The following NBAS variants were observed in gnomAD, a reference collection of about 807,000 sequenced individuals.
NBAS encodes the protein NBAS subunit of NRZ tethering complex.
A neutral mutation model predicts 302.5 loss-of-function variants in NBAS; 219 were observed. That is an observed-to-expected ratio of 0.72 (90% CI 0.65 to 0.81). NBAS has a LOEUF of 0.81. Ranked by LOEUF, NBAS falls within the 30% of genes least tolerant of loss-of-function variation. NBAS has a pLI of 0.00. For synonymous variants in NBAS, 1,118 were observed against 1,021.6 expected, an observed-to-expected ratio of 1.09 and a Z score of -1.80; for missense variants, 2,932 against 2,841.6, an observed-to-expected ratio of 1.03 and a Z score of -0.72.
intron 33 of NBAS, among the ~76,000 whole-genome samples, chr2:15,355,889 T>C (rs1288543786): frequency 6.6e-6 from 1 of 152,162 alleles, no homozygotes; most frequent in East Asian, 1.9e-4. Flanking sequence ...GGTATTTCTT[T>C]ATAGCAGTGT....
intron 38 of NBAS, among the ~76,000 whole-genome samples, chr2:15,313,346 C>T (rs1196773635): frequency 6.6e-6 from 1 of 152,148 alleles, no homozygotes; most frequent in African/African-American, 2.4e-5. Context: ...TTTTATATCA[C>T]TTAGCTCTAT....
chr2:15,430,975 A>C, intron 21 of NBAS, among the ~76,000 whole-genome samples: 1 of 144,440 alleles, frequency 6.9e-6, no homozygotes, highest in Non-Finnish European at 1.5e-5. Context: ...GGCCCGGCTA[A>C]TTTTTTTTTT....
chr2:15,093,572 T>C, the NBAS span, among the ~76,000 whole-genome samples: 3 of 152,334 alleles, frequency 2.0e-5, no homozygotes, highest in East Asian at 5.8e-4. Context: ...ACCCAGTAAT[T>C]CTATTTCCAG....
chr2:15,281,336 G>A (rs779824020), intron 42 of NBAS, among the ~76,000 whole-genome samples: 15 of 152,174 alleles, frequency 9.9e-5, no homozygotes, highest in Non-Finnish European at 2.1e-4. Context: ...CATAGAAATA[G>A]TAATAGACAC....
intron 25 of NBAS, among the ~76,000 whole-genome samples, chr2:15,411,629 G>C (rs973394697): frequency 1.3e-4 from 20 of 152,098 alleles, no homozygotes; most frequent in African/African-American, 4.6e-4. Context: ...GTAATCAGAA[G>C]TGAAGAAAAA....
the NBAS span, among the ~76,000 whole-genome samples, chr2:14,799,415 A>G: frequency 3.9e-5 from 6 of 152,140 alleles, no homozygotes; most frequent in Non-Finnish European, 8.8e-5. Flanking sequence ...TAATAGCCAG[A>G]GGACAAAATT....
chr2:15,351,870 GCACACACACACACA>G (rs10605991), intron 35 of NBAS, 108 bp downstream of exon 35: 422 of 696,664 alleles, frequency 6.1e-4, no homozygotes, highest in Non-Finnish European at 7.4e-4. Flanking sequence ...TGGTCTGCAT[GCACACACACACACA>G]CACACACACA....
chr2:14,862,592 G>A, the NBAS span, among the ~76,000 whole-genome samples: 1 of 152,112 alleles, frequency 6.6e-6, no homozygotes, highest in Non-Finnish European at 1.5e-5. Flanking sequence ...TTCTTCATCT[G>A]TAAAATTAAA....
intron 42 of NBAS, among the ~76,000 whole-genome samples, chr2:15,284,708 T>TA (rs1669965404): frequency 6.6e-6 from 1 of 152,262 alleles, no homozygotes; most frequent in African/African-American, 2.4e-5. Flanking sequence ...TCTATTGTAT[T>TA]AACAAGGCTG....
chr2:15,291,912 T>C (rs1325138608), intron 41 of NBAS, among the ~76,000 whole-genome samples: 3 of 152,158 alleles, frequency 2.0e-5, no homozygotes, highest in African/African-American at 7.2e-5. Context: ...AACTGGGCTA[T>C]CAAAACTACA....
chr2:14,858,220 A>G, the NBAS span, among the ~76,000 whole-genome samples: 2 of 152,156 alleles, frequency 1.3e-5, no homozygotes, highest in Non-Finnish European at 2.9e-5. Flanking sequence ...TGGGAATGTG[A>G]ATTAGTACAA....
At chr2:15,462,943 T>C (rs1679569273) in intron 19 of NBAS, among the ~76,000 whole-genome samples, 2 of 152,126 alleles carry the variant, frequency 1.3e-5, no homozygotes, top group South Asian at 4.1e-4. Flanking sequence ...AAGAATTTAA[T>C]GCATACTCAT....
intron 38 of NBAS, among the ~76,000 whole-genome samples, chr2:15,313,257 A>T (rs1329745549): frequency 6.6e-6 from 1 of 152,256 alleles, no homozygotes; most frequent in East Asian, 1.9e-4. Context: ...GTATAACAAA[A>T]ATAATAAAAT....
the NBAS span, among the ~76,000 whole-genome samples, chr2:14,797,087 T>TCC: frequency 1.0e-5 from 1 of 97,000 alleles, no homozygotes; most frequent in Non-Finnish European, 1.9e-5. Flanking sequence ...AGAGCGAGAC[T>TCC]CCGTCTCAAA....
the NBAS span, among the ~76,000 whole-genome samples, chr2:15,039,258 C>T: frequency 6.6e-6 from 1 of 152,152 alleles, no homozygotes; most frequent in Non-Finnish European, 1.5e-5. Flanking sequence ...ATTGGCGTTG[C>T]TGCGGTTGCA....
the NBAS span, among the ~76,000 whole-genome samples, chr2:14,954,032 G>C: frequency 6.6e-6 from 1 of 152,130 alleles, no homozygotes; most frequent in Admixed American, 6.5e-5. Context: ...GCCCTACCCT[G>C]CTTCATTCTT....
At chr2:15,124,693 G>A in the NBAS span, among the ~76,000 whole-genome samples, 1 of 152,254 alleles carries the variant, frequency 6.6e-6, no homozygotes, top group Non-Finnish European at 1.5e-5. Flanking sequence ...TCCAGCTCCA[G>A]CTGCAGCTCA....
At chr2:14,987,976 C>T in the NBAS span, among the ~76,000 whole-genome samples, 4 of 152,148 alleles carry the variant, frequency 2.6e-5, no homozygotes, top group Non-Finnish European at 5.9e-5. Context: ...AGCTTTCTCT[C>T]CCATTTTCTG....
intron 25 of NBAS, among the ~76,000 whole-genome samples, chr2:15,405,715 T>C (rs1572796698): frequency 6.6e-6 from 1 of 152,158 alleles, no homozygotes; most frequent in East Asian, 1.9e-4. Flanking sequence ...TCCCAAAGAA[T>C]CAAGCAATCA....
Sources: gnomAD v4.1 joint callset for allele counts (sites outside exome capture counted in the v4.1 genomes callset) on GRCh38, gnomAD v4.1.1 for gene constraint, MANE v1.5 for transcripts, NCBI Gene and HGNC (gene_info 2026-07-23, HGNC 2026-07-21) for gene names.